Variants in CREBBP observed in about 807,000 individuals in gnomAD.
The protein encoded by CREBBP is CREB-binding protein.
In CREBBP, 19 loss-of-function variants were observed where a neutral mutation model predicts 265.0. That is an observed-to-expected ratio of 0.07 (90% CI 0.05 to 0.11). CREBBP has a LOEUF of 0.11. CREBBP is among the 10% of genes least tolerant of loss of function. CREBBP has a pLI of 1.00. For synonymous variants in CREBBP, 1,457 were observed against 1,223.7 expected, an observed-to-expected ratio of 1.19 and a Z score of -3.98; for missense variants, 2,525 against 3,219.0, an observed-to-expected ratio of 0.78 and a Z score of 5.22.
rs574870697 is a variant in CREBBP, at chr16:3,802,421, C to T, written c.975+8182G>A. ...TGCTGGGATTACAGGAGTGAGCCAC[C>T]GCGCCCAGCCTATTCCTTAAATTTT... On this transcript the variant is annotated intron_variant, in intron 3 of 30. Transcript: ENST00000262367. Among the ~76,000 whole-genome samples, 19 of 151,982 alleles carry T rather than the reference C, an allele frequency of 1.3e-4. No individual in the cohort carries two copies. The South Asian group carries it at 2.9e-3, about 23-fold the overall frequency.
chr16:3,780,607 A>C, intron 8 of CREBBP, 125 bp downstream of exon 8: 1 of 976,554 alleles, frequency 1.0e-6, no homozygotes, highest in East Asian at 2.6e-5. Flanking sequence ...CTCTACCAGC[A>C]GTGAGAGTGG....
rs189580096 is a variant in CREBBP, at chr16:3,773,541, A to T, written c.2463+210T>A. The T allele has an allele frequency of 3.4e-6, 2 of 589,030 alleles. 1 individual carries two copies. The highest frequency in any genetic ancestry group is 5.7e-5 in the East Asian group (2 of 34,892). 36.5% of individuals were successfully genotyped at this position (589,030 alleles called of 1,614,324 possible). On this transcript the variant is annotated intron_variant, in intron 13 of 30. Transcript: ENST00000262367. ...ATTCTAAATCCATTCCCACTTTTGC[A>T]TATAGTTAACCCAGAAAGGATAAGA... is the stretch of plus-strand genomic sequence containing the variant.
At chr16:3,780,463 G>A (rs967304046) in intron 8 of CREBBP, among the ~76,000 whole-genome samples, 2 of 152,102 alleles carry the variant, frequency 1.3e-5, no homozygotes, top group Non-Finnish European at 2.9e-5. Context: ...CTGCACTGAG[G>A]GTCTTTGCCT....
chr16:3,817,778 T>G (rs1365067129), intron 2 of CREBBP, among the ~76,000 whole-genome samples: 2 of 151,720 alleles, frequency 1.3e-5, no homozygotes, highest in Non-Finnish European at 2.9e-5. Flanking sequence ...CAAACTCCAC[T>G]GGGGGGAGGC....
chr16:3,849,209 G>T (rs1036222725), intron 2 of CREBBP, among the ~76,000 whole-genome samples: 1 of 76,386 alleles, frequency 1.3e-5, no homozygotes, highest in African/African-American at 4.7e-5. Flanking sequence ...GGAATAGGCT[G>T]CCCTTCCTTC....
At chr16:3,746,882 C>A (rs1386984016) in intron 21 of CREBBP, among the ~76,000 whole-genome samples, 1 of 152,122 alleles carries the variant, frequency 6.6e-6, no homozygotes, top group Non-Finnish European at 1.5e-5. Context: ...GAGGTTGTGG[C>A]TGCAGTGAGC....
At position 3,731,194 on chromosome 16, in the gene CREBBP, C is replaced by T. The variant is rs1567265131; in HGVS notation, c.5170G>A (p.Glu1724Lys). Residue 1724 changes from glutamate to lysine, a missense_variant and splice_region_variant, in exon 30 of 31, where the codon GAG becomes AAG. By Grantham distance (56) the Glu-to-Lys change is moderately conservative (BLOSUM62 1). Coordinates refer to ENST00000262367, the MANE Select transcript of CREBBP (RefSeq NM_004380.3). The surrounding 1 kb of genome is among the most constrained non-coding windows in gnomAD (Gnocchi z 7.7). ...VETRWHCTVC[E>K]DYDLCINCYN... ...GTGGGGGTGGGGGCAGGGCCTACCT[C>T]GCACACAGTGCAGTGCCAGCGCGTC... 1 of 1,611,954 alleles carries T rather than the reference C, an allele frequency of 6.2e-7. No homozygotes were observed.
intron 1 of CREBBP, among the ~76,000 whole-genome samples, chr16:3,868,010 C>G (rs1206235874): frequency 6.6e-6 from 1 of 152,138 alleles, no homozygotes; most frequent in African/African-American, 2.4e-5. Context: ...AGATATGTAT[C>G]AGTCTGAAAG....
Position 3,845,843 on chromosome 16 carries a change from T to C in CREBBP, c.798+4454A>G, listed in dbSNP as rs539407837. Among the ~76,000 whole-genome samples the C allele has an allele frequency of 4.3e-5, 6 of 140,608 alleles. No individual in the cohort carries two copies. In the South Asian group the frequency reaches 1.3e-3, roughly 31 times the overall value. The allele number at this position is 140,608 out of a possible 152,430, so 92.2% of individuals were successfully genotyped here. ...CAGAGGTTGCAGTGAGCTGAGATCA[T>C]GCTACTGCACTCTAGCCTGGGCAAC... On this transcript the variant is annotated intron_variant, in intron 2 of 30. Transcript: ENST00000262367.
At chr16:3,785,246 CCA>C (rs939232560) in intron 5 of CREBBP, among the ~76,000 whole-genome samples, 1 of 152,136 alleles carries the variant, frequency 6.6e-6, no homozygotes, top group Non-Finnish European at 1.5e-5. Flanking sequence ...CTCTGAAATC[CCA>C]CAGTGACTCC....
At chr16:3,827,196 GAA>G (rs373795320) in intron 2 of CREBBP, among the ~76,000 whole-genome samples, 2 of 137,834 alleles carry the variant, frequency 1.5e-5, no homozygotes, top group Admixed American at 1.5e-4. Context: ...AAAATGAAAA[GAA>G]AAAAAAAAAC....
At position 3,745,339 on chromosome 16, in the gene CREBBP, C is replaced by G. The variant is rs2151355820; in HGVS notation, c.3852G>C (p.Lys1284Asn). 1 of 1,614,108 alleles carries G rather than the reference C, an allele frequency of 6.2e-7. No individual in the cohort carries two copies. The highest frequency in any genetic ancestry group is 8.5e-7 in the Non-Finnish European group (1 of 1,179,988). Residue 1284 changes from lysine (K) to asparagine (N), a missense_variant, in exon 22 of 31, where the codon AAG becomes AAC. Coordinates refer to ENST00000262367, the MANE Select transcript of CREBBP (RefSeq NM_004380.3). ...TLDPEPFVDC[K>N]ECGRKMHQIC... ...TCTGATGCATCTTCCGGCCACACTC[C>G]TTGCAATCAACGAAACTAGGAGGCA... is the stretch of plus-strand genomic sequence containing the variant.
Position 3,782,694 on chromosome 16 carries a change from G to T in CREBBP, c.1563C>A (p.Leu521=), listed in dbSNP as rs559642189. Residue 521 remains leucine (L), a synonymous_variant, in exon 6 of 31, where the codon CTC becomes CTA. Coordinates refer to ENST00000262367, the MANE Select transcript of CREBBP (RefSeq NM_004380.3). ...AGTTCCTTCACCTACCCAGGGGGTT[G>T]AGAGTCCTCATCTGCTGGTGGGTTT... ...QPQTHQQMRT[L]NPLGNNPMNI... 1 of 1,614,116 alleles carries T rather than the reference G, an allele frequency of 6.2e-7. No individual in the cohort carries two copies. The highest frequency in any genetic ancestry group is 1.3e-5 in the African/African-American group (1 of 75,052).
At chr16:3,814,997 G>A (rs1343145040) in intron 2 of CREBBP, among the ~76,000 whole-genome samples, 2 of 152,126 alleles carry the variant, frequency 1.3e-5, no homozygotes, top group Non-Finnish European at 2.9e-5. Flanking sequence ...ACCACCTCCT[G>A]GCAGAACTCA....
At chr16:3,822,267 G>C (rs559901534) in intron 2 of CREBBP, among the ~76,000 whole-genome samples, 31 of 152,254 alleles carry the variant, frequency 2.0e-4, no homozygotes, top group African/African-American at 7.2e-4. Flanking sequence ...GGGACGTCAA[G>C]AACGCACAGT....
chr16:3,827,683 G>A (rs570461651), intron 2 of CREBBP, among the ~76,000 whole-genome samples: 1 of 152,130 alleles, frequency 6.6e-6, no homozygotes, highest in Non-Finnish European at 1.5e-5. Context: ...AAGCCACCAT[G>A]CCTGGCTACT....
chr16:3,820,983 A>G (rs1292954365), intron 2 of CREBBP, among the ~76,000 whole-genome samples: 1 of 152,210 alleles, frequency 6.6e-6, no homozygotes, highest in Non-Finnish European at 1.5e-5. Context: ...CCCTACAGTT[A>G]GAGACGCTGG....
intron 1 of CREBBP, among the ~76,000 whole-genome samples, chr16:3,874,344 T>C (rs2055357675): frequency 6.6e-6 from 1 of 152,140 alleles, no homozygotes. Flanking sequence ...CCTGCTGCTG[T>C]TTTCCTTAAA....
intron 1 of CREBBP, among the ~76,000 whole-genome samples, chr16:3,874,258 A>C (rs2055355847): frequency 6.6e-6 from 1 of 152,204 alleles, no homozygotes. Context: ...AAGTGCTCCA[A>C]GACAGGAGAC....
Sources: gnomAD v4.1 joint callset for allele counts (sites outside exome capture counted in the v4.1 genomes callset) on GRCh38, gnomAD v4.1.1 for gene constraint, Gnocchi (gnomAD v3.1) non-coding constraint, MANE v1.5 for transcripts, NCBI Gene and HGNC (gene_info 2026-07-23, HGNC 2026-07-21) for gene names.